The following KIAA1614 variants were observed in gnomAD, a reference collection of about 807,000 sequenced individuals.
KIAA1614 encodes the protein uncharacterized protein KIAA1614.
In KIAA1614, 76 loss-of-function variants were observed where a neutral mutation model predicts 88.7. The observed-to-expected ratio is 0.86, with a 90% CI of 0.71 to 1.04. The LOEUF (loss-of-function observed/expected upper bound fraction) is 1.04, where lower values mean the gene tolerates loss of function less well. Ranked by LOEUF, KIAA1614 falls within the 50% of genes least tolerant of loss-of-function variation. The pLI, the probability that KIAA1614 is intolerant of heterozygous loss-of-function variation, is 0.00. For synonymous variants in KIAA1614, 714 were observed against 675.5 expected (o/e 1.06, Z -0.88); for missense variants, 1,553 against 1,582.5 (o/e 0.98, Z 0.32).
At chr1:180,927,310 T>C (rs1472867794) in intron 3 of KIAA1614, among the ~76,000 whole-genome samples, 1 of 152,098 alleles carries the variant, frequency 6.6e-6, no homozygotes. Context: ...GTGGGGATGA[T>C]GAAGTTACCC....
chr1:180,949,981 A>ATC lies in KIAA1614; in HGVS notation c.*4393_*4394insTC, dbSNP rs1654694656. 1 of 152,328 alleles carries ATC rather than the reference A, an allele frequency of 6.6e-6. No homozygotes were observed. Among genetic ancestry groups the ATC allele is most frequent in the Non-Finnish European group, 1.5e-5 (1 of 68,122 alleles). 9.4% of individuals were successfully genotyped at this position (152,328 alleles called of 1,614,324 possible). On this transcript the variant is annotated 3_prime_UTR_variant, in exon 9 of 9. Coordinates refer to ENST00000367588, the MANE Select transcript of KIAA1614 (RefSeq NM_020950.2). ...AATTTTTAAAAACTATTTTCCTCCC[A>ATC]ATTCTACAAGAAAAGCTCATCTCAG... is the stretch of plus-strand genomic sequence containing the variant.
rs1654626732 is a variant in KIAA1614, at chr1:180,947,770, A to G, written c.*2182A>G. 6.6e-6 allele frequency: 1 copy of G among 152,216 alleles called. No homozygotes were observed. Among genetic ancestry groups the G allele is most frequent in the Non-Finnish European group, 1.5e-5 (1 of 68,030 alleles). The allele number at this position is 152,216 out of a possible 1,614,324, so 9.4% of individuals were successfully genotyped here. ...CTCACTCAGTTCCCTAATCTGTGAA[A>G]TGAGGATGACAAAACCTACCTAGAA... On this transcript the variant is annotated 3_prime_UTR_variant, in exon 9 of 9. Transcript: ENST00000367588.
Position 180,935,211 on chromosome 1 carries a change from G to A in KIAA1614, c.1302G>A (p.Glu434=). The change falls in exon 5 of 9, where the codon GAG becomes GAA. Residue 434 remains glutamate (E), a synonymous_variant. Transcript: ENST00000367588. The surrounding 1 kb of genome is among the most constrained non-coding windows in gnomAD (Gnocchi z 6.1). Reference sequence around the variant, plus strand: ...ACACGAGCGATTCCTCCAGCGGAGAGTCCAGCGGTGGGCACAGGCCGAGGC... The same window carrying A: ...ACACGAGCGATTCCTCCAGCGGAGAATCCAGCGGTGGGCACAGGCCGAGGC... The part of the protein sequence containing the change: ...NGHTSDSSSG[E]SSGGHRPRRG... 6.5e-7 allele frequency: 1 copy of A among 1,530,104 alleles called. No individual in the cohort carries two copies. Among genetic ancestry groups the A allele is most frequent in the Non-Finnish European group, 8.8e-7 (1 of 1,141,618 alleles). The allele number at this position is 1,530,104 out of a possible 1,614,324, so 94.8% of individuals were successfully genotyped here.
At chr1:180,940,307 C>T (rs2102274039) in intron 6 of KIAA1614, among the ~76,000 whole-genome samples, 1 of 152,296 alleles carries the variant, frequency 6.6e-6, no homozygotes, top group South Asian at 2.1e-4. Flanking sequence ...TCGAGACCAG[C>T]CTGGCCAACA....
chr1:180,942,494 T>A (rs112315289), intron 7 of KIAA1614, among the ~76,000 whole-genome samples: 2 of 152,222 alleles, frequency 1.3e-5, no homozygotes, highest in African/African-American at 4.8e-5. Context: ...GCGGACTGAA[T>A]GAAGGTCCCA....
intron 3 of KIAA1614, 89 bp downstream of exon 3, chr1:180,918,003 A>G: frequency 3.6e-6 from 4 of 1,103,304 alleles, no homozygotes. Flanking sequence ...GAGACCTCCC[A>G]AAGTGAGAGG....
intron 3 of KIAA1614, among the ~76,000 whole-genome samples, chr1:180,925,382 A>G (rs1571288556): frequency 6.6e-6 from 1 of 152,186 alleles, no homozygotes; most frequent in African/African-American, 2.4e-5. Context: ...AAGTTTCTCT[A>G]TGTTCTGTAC....
intron 4 of KIAA1614, among the ~76,000 whole-genome samples, chr1:180,930,339 A>G (rs192368565): frequency 6.6e-6 from 1 of 152,094 alleles, no homozygotes; most frequent in African/African-American, 2.4e-5. Context: ...GAATCACTTG[A>G]ACCCGGGAGG....
intron 3 of KIAA1614, among the ~76,000 whole-genome samples, chr1:180,926,580 C>A (rs1440040778): frequency 1.3e-5 from 2 of 152,218 alleles, no homozygotes; most frequent in African/African-American, 2.4e-5. Flanking sequence ...CTGATCCTGG[C>A]AGCATCTGGC....
chr1:180,921,704 AT>A (rs1653955774), intron 3 of KIAA1614, among the ~76,000 whole-genome samples: 1 of 151,938 alleles, frequency 6.6e-6, no homozygotes, highest in African/African-American at 2.4e-5. Context: ...GGATACGCTT[AT>A]TTTTCTCCTA....
At chr1:180,930,940 A>C (rs1379625905) in intron 4 of KIAA1614, among the ~76,000 whole-genome samples, 2 of 152,234 alleles carry the variant, frequency 1.3e-5, no homozygotes, top group Non-Finnish European at 2.9e-5. Context: ...AGTTAGATGC[A>C]GGAGGCCCCA....
chr1:180,932,863 C>T (rs1360452443), intron 4 of KIAA1614, among the ~76,000 whole-genome samples: 1 of 152,166 alleles, frequency 6.6e-6, no homozygotes, highest in Non-Finnish European at 1.5e-5. Context: ...CCTCAGCCTC[C>T]CAAGTAGCTG....
chr1:180,928,186 T>A lies in KIAA1614; in HGVS notation c.1062-244T>A, dbSNP rs187439376. On this transcript the variant is annotated intron_variant, in intron 3 of 8. Coordinates refer to ENST00000367588, the MANE Select transcript of KIAA1614 (RefSeq NM_020950.2). ...TCTCTGCCTCCAGTGCCTGAGCAGA[T>A]GTCCAAGGCCGGGCCAGCTCCCCAG... 647 of 417,240 alleles carry A rather than the reference T, an allele frequency of 1.6e-3. 2 individuals are homozygous for A. The highest frequency in any genetic ancestry group is 0.011 in the African/African-American group (519 of 48,788). 25.8% of individuals were successfully genotyped at this position (417,240 alleles called of 1,614,324 possible). A position where few individuals can be genotyped will look rare whatever the true frequency, so the allele number is the denominator to read the frequency against.
At chr1:180,920,996 T>G (rs889804723) in intron 3 of KIAA1614, among the ~76,000 whole-genome samples, 1 of 152,196 alleles carries the variant, frequency 6.6e-6, no homozygotes, top group Admixed American at 6.5e-5. Flanking sequence ...TTCTTTCCCA[T>G]TTTATCCTAA....
chr1:180,928,215 C>T (rs1200773940), intron 3 of KIAA1614: 15 of 510,676 alleles, frequency 2.9e-5, no homozygotes, highest in Non-Finnish European at 5.0e-5. Context: ...TCCCCAGCCC[C>T]CATCCAGAGC....
Position 180,916,498 on chromosome 1 carries a change from G to A in KIAA1614, c.395G>A (p.Gly132Glu). 1 of 1,614,060 alleles carries A rather than the reference G, an allele frequency of 6.2e-7. No homozygotes were observed. Among genetic ancestry groups the A allele is most frequent in the Non-Finnish European group, 8.5e-7 (1 of 1,180,030 alleles). ...GGGAGAGCCGGGACTCCATCAGAGG[G>A]GTCTTTCCTGCCAGGTGCTGTGGTG... ...KAGRAGTPSE[G>E]SFLPGAVVAP... Residue 132 changes from glycine to glutamate, a missense_variant, in exon 2 of 9, where the codon GGG (glycine) becomes GAG (glutamate). Gly to Glu is a moderately conservative substitution (Grantham distance 98). Coordinates refer to ENST00000367588, the MANE Select transcript of KIAA1614 (RefSeq NM_020950.2).
intron 3 of KIAA1614, among the ~76,000 whole-genome samples, chr1:180,921,333 CA>C (rs1206393376): frequency 6.6e-6 from 1 of 152,170 alleles, no homozygotes; most frequent in African/African-American, 2.4e-5. Flanking sequence ...TGTGATTCTT[CA>C]CTTGCTTCAG....
In KIAA1614 at chr1:180,945,294, C is replaced by T. The variant is rs1654564214; in HGVS notation, c.3288-9C>T. ...TTTTGCCCTCACTGTGTCTCTGGTTCCCTCGCAGGCCGGCCAAGACTTCAC... is the reference window on the plus strand; with the variant it reads ...TTTTGCCCTCACTGTGTCTCTGGTTTCCTCGCAGGCCGGCCAAGACTTCAC... On this transcript the variant is annotated splice_polypyrimidine_tract_variant and intron_variant, in intron 8 of 8. Coordinates refer to ENST00000367588, the MANE Select transcript of KIAA1614 (RefSeq NM_020950.2). 13 of 1,575,808 alleles carry T rather than the reference C, an allele frequency of 8.2e-6. No homozygotes were observed. The highest frequency in any genetic ancestry group is 1.1e-5 in the Non-Finnish European group (13 of 1,169,718).
intron 1 of KIAA1614, among the ~76,000 whole-genome samples, 163 bp downstream of exon 1, chr1:180,913,456 G>A (rs1023693959): frequency 1.3e-5 from 2 of 152,116 alleles, no homozygotes; most frequent in African/African-American, 2.4e-5. Context: ...GTCCATCTTC[G>A]TTTGGCCCCT....
Sources: allele counts gnomAD v4.1 joint callset (sites outside exome capture counted in the v4.1 genomes callset), GRCh38; gene constraint gnomAD v4.1.1; non-coding constraint Gnocchi (gnomAD v3.1); transcripts MANE v1.5; gene names NCBI Gene and HGNC (gene_info 2026-07-23, HGNC 2026-07-21).